Variants in ZNF717 observed in about 807,000 individuals in gnomAD.
ZNF717 encodes zinc finger protein 717.
ZNF717 carries 9 observed loss-of-function variants against 13.8 expected under a neutral mutation model. The ratio of observed to expected loss-of-function variants is 0.65; its 90% CI spans 0.39 to 1.14. The LOEUF (loss-of-function observed/expected upper bound fraction) is 1.14, where lower values mean the gene tolerates loss of function less well. Ranked by LOEUF, ZNF717 falls within the 50% of genes most tolerant of loss-of-function variation. The pLI is 0.01. For missense variants in ZNF717, 1,040 were observed against 1,080.7 expected (o/e 0.96, Z 0.53); for synonymous variants, 327 against 364.1 (o/e 0.90, Z 1.16).
chr3:75,777,522 C>A (rs188138728), intron 2 of ZNF717, among the ~76,000 whole-genome samples: 271 of 151,168 alleles, frequency 1.8e-3, no homozygotes, highest in African/African-American at 5.9e-3. Flanking sequence ...AAACTGGAAC[C>A]CAAAACAATG....
chr3:75,696,719 C>T (rs1575756632), intron 6 of ZNF717, among the ~76,000 whole-genome samples: 1 of 152,294 alleles, frequency 6.6e-6, no homozygotes, highest in African/African-American at 2.4e-5. Flanking sequence ...ATGGCAAAGC[C>T]CTGTCTCTAC....
chr3:75,761,828 A>G (rs544645369), intron 2 of ZNF717, among the ~76,000 whole-genome samples: 1 of 152,356 alleles, frequency 6.6e-6, no homozygotes, highest in South Asian at 2.1e-4. Context: ...AACTGAGGTC[A>G]GGAGTTCGTG....
downstream of ZNF717, among the ~76,000 whole-genome samples, chr3:75,725,762 A>G (rs1456178915): frequency 1.8e-4 from 28 of 152,320 alleles, no homozygotes; most frequent in African/African-American, 5.8e-4. Flanking sequence ...ATTCACTATC[A>G]TAAGAACAAC....
chr3:75,782,475 G>A (rs1182088059), intron 2 of ZNF717, among the ~76,000 whole-genome samples: 9 of 152,128 alleles, frequency 5.9e-5, no homozygotes, highest in African/African-American at 2.2e-4. Flanking sequence ...GCTGTGCTTT[G>A]GCAGCAGATG....
chr3:75,743,480 C>T (rs1940734574), intron 2 of ZNF717, among the ~76,000 whole-genome samples: 1 of 152,214 alleles, frequency 6.6e-6, no homozygotes, highest in Non-Finnish European at 1.5e-5. Flanking sequence ...GCTGTATCCA[C>T]CCAGGGTGAA....
chr3:75,779,330 G>A (rs747679790), intron 2 of ZNF717, among the ~76,000 whole-genome samples: 3 of 148,050 alleles, frequency 2.0e-5, no homozygotes, highest in Non-Finnish European at 4.5e-5. Flanking sequence ...TGGGAGTGAC[G>A]TGCTAAAACT....
chr3:75,739,429 C>T, intron 4 of ZNF717, 84 bp from the exon 5 acceptor site: 10 of 1,073,708 alleles, frequency 9.3e-6, no homozygotes, highest in Non-Finnish European at 1.1e-5. Context: ...AAATTACTTC[C>T]TATCTCAGTG....
intron 2 of ZNF717, among the ~76,000 whole-genome samples, chr3:75,767,824 G>A (rs1236770330): frequency 6.7e-6 from 1 of 148,550 alleles, no homozygotes; most frequent in South Asian, 2.2e-4. Context: ...TTTTCAGACA[G>A]AATTTAGAGA....
Position 75,697,979 on chromosome 3 carries a change from A to G in ZNF717, n.1085+13208T>C, listed in dbSNP as rs1937622673. ...ATTAGGACCAAAACAAAGGTCACGC[A>G]TGTTGTCTTAGCAAAGTGGTTGGCT... On this transcript the variant is annotated intron_variant and non_coding_transcript_variant, in intron 6 of 6. Coordinates refer to the ZNF717 transcript ENST00000648506. Among the ~76,000 whole-genome samples the G allele has an allele frequency of 2.6e-5, 4 of 152,422 alleles. No homozygotes were observed. In the South Asian group the frequency reaches 6.2e-4, roughly 24 times the overall value.
At chr3:75,781,498 T>A (rs564897566) in intron 2 of ZNF717, among the ~76,000 whole-genome samples, 2 of 152,168 alleles carry the variant, frequency 1.3e-5, no homozygotes, top group Admixed American at 1.3e-4. Context: ...AATTTCCAGA[T>A]CATGAACAGA....
At position 75,741,138 on chromosome 3, in the gene ZNF717, T is replaced by C. The variant is rs1289171170; in HGVS notation, c.277+138A>G. ...GCATGAGAGTTACCCCTGGGGACTATATAATGCACATTTAATGCAGACCAA... is the reference window on the plus strand; with the variant it reads ...GCATGAGAGTTACCCCTGGGGACTACATAATGCACATTTAATGCAGACCAA... On this transcript the variant is annotated intron_variant, in intron 4 of 4. Coordinates refer to ENST00000652011, the MANE Select transcript of ZNF717 (RefSeq NM_001290208.3). The C allele has an allele frequency of 2.9e-4, 181 of 634,748 alleles. 1 individual carries two copies. The highest frequency in any genetic ancestry group is 8.6e-4 in the Middle Eastern group (2 of 2,338). 39.3% of individuals were successfully genotyped at this position (634,748 alleles called of 1,614,324 possible).
At chr3:75,725,882 C>G (rs1938269716), downstream of ZNF717, among the ~76,000 whole-genome samples, 1 of 152,194 alleles carries the variant, frequency 6.6e-6, no homozygotes, top group African/African-American at 2.4e-5. Flanking sequence ...CCATATCAGT[C>G]TCATAATAAG....
intron 5 of ZNF717, among the ~76,000 whole-genome samples, chr3:75,713,189 C>A (rs1937979783): frequency 1.3e-5 from 2 of 152,120 alleles, no homozygotes; most frequent in East Asian, 3.9e-4. Flanking sequence ...CTCAATCTGC[C>A]ACCCTTGCTG....
chr3:75,721,585 GTTAT>G (rs1938167668), intron 4 of ZNF717, among the ~76,000 whole-genome samples: 1 of 152,088 alleles, frequency 6.6e-6, no homozygotes, highest in African/African-American at 2.4e-5. Context: ...CTGGCCTGAT[GTTAT>G]TTAATTTTTA....
intron 2 of ZNF717, among the ~76,000 whole-genome samples, chr3:75,748,691 T>C (rs1396024670): frequency 6.6e-6 from 1 of 152,124 alleles, no homozygotes; most frequent in Non-Finnish European, 1.5e-5. Flanking sequence ...GCGACATATC[T>C]AAAAATAATA....
chr3:75,760,754 GA>G lies in ZNF717; in HGVS notation c.58-19019del, dbSNP rs61527339. 4.9e-3 allele frequency among the ~76,000 whole-genome samples: 623 copies of G among 126,584 alleles called. 16 individuals are homozygous for G. In the East Asian group the frequency reaches 0.085, roughly 17 times the overall value. The allele number at this position is 126,584 out of a possible 152,430, so 83.0% of individuals were successfully genotyped here. On this transcript the variant is annotated intron_variant, in intron 2 of 4. Coordinates refer to ENST00000652011, the MANE Select transcript of ZNF717 (RefSeq NM_001290208.3). Reference sequence around the variant, plus strand: ...AATAACCTAACATTACACCTGAAGGGAAAAAAAAACTAATGACAAACCAAGC... The same window carrying G: ...AATAACCTAACATTACACCTGAAGGGAAAAAAAACTAATGACAAACCAAGC...
chr3:75,764,990 G>GATCTAT (rs1943325456), intron 2 of ZNF717, among the ~76,000 whole-genome samples: 1 of 102,300 alleles, frequency 9.8e-6, no homozygotes, highest in Non-Finnish European at 1.8e-5. Context: ...TAAACAAAAG[G>GATCTAT]ATATATATAT....
chr3:75,752,686 T>C (rs796531159), intron 2 of ZNF717, among the ~76,000 whole-genome samples: 1 of 150,612 alleles, frequency 6.6e-6, no homozygotes, highest in South Asian at 2.1e-4. Context: ...GGTCTGAATG[T>C]TTGTCCCTCA....
chr3:75,774,200 A>AAAATAAAGAAAG (rs1227599777), intron 2 of ZNF717, among the ~76,000 whole-genome samples: 1 of 144,436 alleles, frequency 6.9e-6, no homozygotes. Flanking sequence ...AAAAAAAAAA[A>AAAATAAAGAAAG]AAAGGAAAAA....
Sources: gnomAD v4.1 joint callset for allele counts (sites outside exome capture counted in the v4.1 genomes callset) on GRCh38, gnomAD v4.1.1 for gene constraint, MANE v1.5 for transcripts, NCBI Gene and HGNC (gene_info 2026-07-23, HGNC 2026-07-21) for gene names.